Variants in PIK3C2G observed in about 807,000 individuals in gnomAD.
The protein encoded by PIK3C2G is phosphatidylinositol-4-phosphate 3-kinase catalytic subunit type 2 gamma.
Under a neutral mutation model 181.1 loss-of-function variants are expected in PIK3C2G, and 168 were observed. That is an observed-to-expected ratio of 0.93 (90% CI 0.82 to 1.05). The LOEUF is 1.05. Among genes scored for constraint, PIK3C2G ranks in the 50% least tolerant of loss-of-function variants. The probability of loss-of-function intolerance (pLI) is 0.00; values close to 1 mark genes in which losing one functional copy is unlikely to be tolerated. For missense variants in PIK3C2G, 1,869 were observed against 1,732.8 expected (o/e 1.08, Z -1.40); for synonymous variants, 573 against 592.2 (o/e 0.97, Z 0.47).
intron 11 of PIK3C2G, among the ~76,000 whole-genome samples, chr12:18,355,554 C>T (rs1025118067): frequency 6.6e-6 from 1 of 152,114 alleles, no homozygotes; most frequent in African/African-American, 2.4e-5. Flanking sequence ...AGAGCACTGG[C>T]CAGCCGGCTG....
At position 18,289,972 on chromosome 12, in the gene PIK3C2G, G is replaced by A. The variant is rs529341009; in HGVS notation, c.762-883G>A. Among the ~76,000 whole-genome samples, 28 of 152,186 alleles carry A rather than the reference G, an allele frequency of 1.8e-4. 1 individual carries two copies. In the South Asian group the frequency reaches 5.4e-3, roughly 29 times the overall value. ...TCTTCATGTTATGTTCTACATGTGG[G>A]CATAAAACACTGATCACAGGGAATC... is the stretch of plus-strand genomic sequence containing the variant. On this transcript the variant is annotated intron_variant, in intron 3 of 32. Coordinates refer to ENST00000538779, the MANE Select transcript of PIK3C2G (RefSeq NM_001288772.2).
upstream of PIK3C2G, among the ~76,000 whole-genome samples, chr12:18,256,953 G>A (rs1029608553): frequency 7.9e-5 from 12 of 151,932 alleles, no homozygotes; most frequent in Non-Finnish European, 1.8e-4. Flanking sequence ...ATATCAAGTG[G>A]TAGGTTACTT....
chr12:18,284,817 T>G (rs1459321901), intron 2 of PIK3C2G, among the ~76,000 whole-genome samples: 2 of 151,900 alleles, frequency 1.3e-5, no homozygotes, highest in East Asian at 3.9e-4. Flanking sequence ...ACTGTAGAAA[T>G]TAGCCAAACT....
At chr12:18,432,569 T>C (rs577480222) in intron 18 of PIK3C2G, among the ~76,000 whole-genome samples, 20 of 152,336 alleles carry the variant, frequency 1.3e-4, no homozygotes, top group Admixed American at 3.9e-4. Flanking sequence ...TAGTGTTTAA[T>C]TATTTATTGT....
upstream of PIK3C2G, among the ~76,000 whole-genome samples, chr12:18,245,798 T>TGAAAA (rs1482756066): frequency 6.6e-6 from 1 of 152,124 alleles, no homozygotes; most frequent in East Asian, 1.9e-4. Flanking sequence ...AAATATTTAT[T>TGAAAA]GTAAGTTTTT....
the PIK3C2G span, among the ~76,000 whole-genome samples, chr12:18,712,182 TA>T: frequency 6.6e-6 from 1 of 152,164 alleles, no homozygotes; most frequent in East Asian, 1.9e-4. Flanking sequence ...TCAAGTGTGT[TA>T]AGTTTACAAA....
chr12:18,303,138 C>CTTTCTTTCT (rs1422309361), intron 5 of PIK3C2G, among the ~76,000 whole-genome samples: 1 of 131,134 alleles, frequency 7.6e-6, no homozygotes, highest in Non-Finnish European at 1.7e-5. Context: ...TTCTTTCTTT[C>CTTTCTTTCT]TTTTCTTTTC....
intron 18 of PIK3C2G, among the ~76,000 whole-genome samples, chr12:18,426,024 AT>A (rs930294447): frequency 6.6e-6 from 1 of 152,136 alleles, no homozygotes; most frequent in Non-Finnish European, 1.5e-5. Flanking sequence ...TTGACTTTGA[AT>A]TTTTCATCAC....
chr12:18,413,206 G>A (rs1040490332), intron 16 of PIK3C2G, among the ~76,000 whole-genome samples: 1 of 152,058 alleles, frequency 6.6e-6, no homozygotes, highest in Non-Finnish European at 1.5e-5. Flanking sequence ...TCTTAGCGAT[G>A]AGATCTTGTC....
At chr12:18,252,628 T>C (rs1229471118) in intron 1 of PIK3C2G, among the ~76,000 whole-genome samples, 2 of 152,186 alleles carry the variant, frequency 1.3e-5, no homozygotes, top group Non-Finnish European at 2.9e-5. Flanking sequence ...AGGATATGTA[T>C]AATCTAATGG....
At chr12:18,419,837 T>C (rs1337618481) in intron 16 of PIK3C2G, among the ~76,000 whole-genome samples, 3 of 152,322 alleles carry the variant, frequency 2.0e-5, no homozygotes, top group Non-Finnish European at 4.4e-5. Flanking sequence ...AATTGAGTTA[T>C]GTGATACCAC....
At chr12:18,640,033 A>AAGGTTATAT (rs1162000866) in intron 31 of PIK3C2G, among the ~76,000 whole-genome samples, 1 of 151,840 alleles carries the variant, frequency 6.6e-6, no homozygotes, top group Admixed American at 6.6e-5. Flanking sequence ...TTATATATTG[A>AAGGTTATAT]ACTTGAATTT....
chr12:18,530,864 G>A (rs1162930957), intron 24 of PIK3C2G, among the ~76,000 whole-genome samples: 1 of 152,028 alleles, frequency 6.6e-6, no homozygotes, highest in Admixed American at 6.6e-5. Context: ...CATGCCTCCT[G>A]TACAGCTGGT....
At chr12:18,707,530 T>C in the PIK3C2G span, among the ~76,000 whole-genome samples, 1 of 152,140 alleles carries the variant, frequency 6.6e-6, no homozygotes, top group African/African-American at 2.4e-5. Flanking sequence ...AAGCAATGTT[T>C]GCCCCCCATT....
the PIK3C2G span, among the ~76,000 whole-genome samples, chr12:18,685,165 C>A: frequency 6.6e-6 from 1 of 152,124 alleles, no homozygotes; most frequent in African/African-American, 2.4e-5. Context: ...AGCTAGATAA[C>A]AAACTAAAGC....
At chr12:18,714,757 G>A in the PIK3C2G span, 10 of 152,228 alleles carry the variant, frequency 6.6e-5, no homozygotes, top group African/African-American at 2.4e-4. Flanking sequence ...ACTGGAGATA[G>A]GGAGAGGTTT....
intron 14 of PIK3C2G, among the ~76,000 whole-genome samples, chr12:18,387,840 A>C (rs569610860): frequency 6.6e-6 from 1 of 152,324 alleles, no homozygotes; most frequent in African/African-American, 2.4e-5. Flanking sequence ...ATTTCTGATG[A>C]CTACAAAAAC....
the PIK3C2G span, among the ~76,000 whole-genome samples, chr12:18,667,402 G>C: frequency 5.9e-5 from 9 of 152,176 alleles, no homozygotes; most frequent in African/African-American, 2.2e-4. Flanking sequence ...AAGATTACCT[G>C]TATCTATCTG....
At chr12:18,661,080 G>A in the PIK3C2G span, among the ~76,000 whole-genome samples, 1 of 152,020 alleles carries the variant, frequency 6.6e-6, no homozygotes, top group Admixed American at 6.6e-5. Flanking sequence ...ATGAACTTGA[G>A]GACAGAACAA....
Sources: allele counts gnomAD v4.1 joint callset (sites outside exome capture counted in the v4.1 genomes callset), GRCh38; gene constraint gnomAD v4.1.1; transcripts MANE v1.5; gene names NCBI Gene and HGNC (gene_info 2026-07-23, HGNC 2026-07-21).